FCHSD2: variants seen among roughly 807,000 people sequenced by gnomAD.
The protein encoded by FCHSD2 is F-BAR and double SH3 domains protein 2.
A neutral mutation model predicts 108.1 loss-of-function variants in FCHSD2; 38 were observed. The ratio of observed to expected loss-of-function variants is 0.35; its 90% CI spans 0.27 to 0.46. The LOEUF (loss-of-function observed/expected upper bound fraction) is 0.46, where lower values mean the gene tolerates loss of function less well. Ranked by LOEUF, FCHSD2 falls within the 20% of genes least tolerant of loss-of-function variation. FCHSD2 has a pLI of 1.00. For missense variants in FCHSD2, 751 were observed against 897.8 expected (o/e 0.84, Z 2.09); for synonymous variants, 279 against 314.7 (o/e 0.89, Z 1.20).
chr11:73,097,434 C>G (rs1376017954), intron 2 of FCHSD2, among the ~76,000 whole-genome samples: 1 of 144,594 alleles, frequency 6.9e-6, no homozygotes, highest in Non-Finnish European at 1.5e-5. Context: ...CTATAGTTTT[C>G]TTCTGGTATC....
intron 3 of FCHSD2, among the ~76,000 whole-genome samples, chr11:73,066,676 A>G (rs748286462): frequency 6.6e-6 from 1 of 152,238 alleles, no homozygotes; most frequent in Non-Finnish European, 1.5e-5. Flanking sequence ...TAGGCAAAGG[A>G]TATGAACAGA....
intron 12 of FCHSD2, among the ~76,000 whole-genome samples, chr11:72,880,000 A>C (rs1401053924): frequency 7.0e-5 from 1 of 14,302 alleles, no homozygotes; most frequent in African/African-American, 1.7e-4. Context: ...ATTCTGTCTC[A>C]AAAAAAAAAA....
chr11:72,943,552 T>C (rs368008664), intron 8 of FCHSD2, among the ~76,000 whole-genome samples: 27 of 152,174 alleles, frequency 1.8e-4, no homozygotes, highest in African/African-American at 5.3e-4. Context: ...GGGAAGGAAA[T>C]TGAAGAGAAT....
At chr11:72,910,379 G>A (rs1033435048) in intron 9 of FCHSD2, among the ~76,000 whole-genome samples, 13 of 152,290 alleles carry the variant, frequency 8.5e-5, no homozygotes, top group South Asian at 4.1e-4. Context: ...CGGTTTTGTC[G>A]AAAAGAAAAG....
At chr11:72,869,311 C>A (rs1358475239) in intron 12 of FCHSD2, among the ~76,000 whole-genome samples, 1 of 151,702 alleles carries the variant, frequency 6.6e-6, no homozygotes, top group Non-Finnish European at 1.5e-5. Context: ...CGATTAATTA[C>A]AACAATCTTG....
At chr11:72,949,092 A>G (rs2135353872) in intron 8 of FCHSD2, among the ~76,000 whole-genome samples, 1 of 152,326 alleles carries the variant, frequency 6.6e-6, no homozygotes. Flanking sequence ...AGTGGCTTTT[A>G]GTATATTCAC....
chr11:72,907,713 C>A (rs950551709), intron 9 of FCHSD2, among the ~76,000 whole-genome samples: 4 of 151,206 alleles, frequency 2.6e-5, no homozygotes, highest in African/African-American at 9.7e-5. Context: ...GCCTCAGCCT[C>A]TCGAGTAGCT....
chr11:72,992,386 T>G (rs923705507), intron 5 of FCHSD2, among the ~76,000 whole-genome samples: 2 of 152,172 alleles, frequency 1.3e-5, no homozygotes, highest in Non-Finnish European at 2.9e-5. Flanking sequence ...TACCAATGAC[T>G]TTCTTCACAG....
At chr11:72,879,100 G>C (rs538376760) in intron 12 of FCHSD2, among the ~76,000 whole-genome samples, 2 of 152,010 alleles carry the variant, frequency 1.3e-5, no homozygotes, top group South Asian at 2.1e-4. Context: ...GACAGAGTGA[G>C]ACTTTGTCTC....
intron 6 of FCHSD2, among the ~76,000 whole-genome samples, chr11:72,986,953 GTA>G (rs1857323302): frequency 6.6e-6 from 1 of 152,090 alleles, no homozygotes; most frequent in South Asian, 2.1e-4. Context: ...TATATACTAT[GTA>G]ACTACCATCT....
chr11:73,077,940 T>C (rs1464921843), intron 3 of FCHSD2, among the ~76,000 whole-genome samples: 1 of 152,174 alleles, frequency 6.6e-6, no homozygotes, highest in East Asian at 1.9e-4. Flanking sequence ...GTCAGTATAG[T>C]AGATTCCTTG....
At chr11:72,999,890 C>A (rs973279846) in intron 5 of FCHSD2, among the ~76,000 whole-genome samples, 9 of 148,362 alleles carry the variant, frequency 6.1e-5, no homozygotes, top group African/African-American at 2.3e-4. Context: ...CACACACAAA[C>A]ACACACACAC....
At chr11:73,058,168 T>A (rs1271588023) in intron 3 of FCHSD2, among the ~76,000 whole-genome samples, 1 of 152,098 alleles carries the variant, frequency 6.6e-6, no homozygotes, top group Non-Finnish European at 1.5e-5. Flanking sequence ...CGTGAGCCAC[T>A]GTGCCTGGCC....
At chr11:72,981,615 T>C (rs571465192) in intron 8 of FCHSD2, among the ~76,000 whole-genome samples, 106 of 152,338 alleles carry the variant, frequency 7.0e-4, no homozygotes, top group African/African-American at 2.5e-3. Flanking sequence ...AAAAATCATC[T>C]TTAGTAAATG....
chr11:72,952,662 A>G (rs766956560), intron 8 of FCHSD2, among the ~76,000 whole-genome samples: 3 of 152,162 alleles, frequency 2.0e-5, no homozygotes, highest in East Asian at 1.9e-4. Context: ...GTTAAGATAC[A>G]TAAGAGCTTA....
intron 3 of FCHSD2, among the ~76,000 whole-genome samples, chr11:73,018,625 ACT>A (rs1308613300): frequency 6.7e-6 from 1 of 149,836 alleles, no homozygotes; most frequent in African/African-American, 2.5e-5. Flanking sequence ...CACCTACATT[ACT>A]CTGTTTCTAA....
intron 8 of FCHSD2, among the ~76,000 whole-genome samples, chr11:72,930,711 C>T (rs1391382343): frequency 1.3e-5 from 2 of 152,136 alleles, no homozygotes; most frequent in African/African-American, 4.8e-5. Flanking sequence ...CCACTGCACT[C>T]CAGCCTGGGT....
At chr11:73,041,126 T>C (rs1858626551) in intron 3 of FCHSD2, among the ~76,000 whole-genome samples, 1 of 152,236 alleles carries the variant, frequency 6.6e-6, no homozygotes. Context: ...TATCCATTCA[T>C]CTGTTGATGG....
At chr11:73,107,734 T>C (rs1309118864) in intron 2 of FCHSD2, among the ~76,000 whole-genome samples, 1 of 152,236 alleles carries the variant, frequency 6.6e-6, no homozygotes, top group Non-Finnish European at 1.5e-5. Flanking sequence ...TACACTAACA[T>C]AATGATCTCC....
Sources: allele counts gnomAD v4.1 joint callset (sites outside exome capture counted in the v4.1 genomes callset), GRCh38; gene constraint gnomAD v4.1.1; transcripts MANE v1.5; gene names NCBI Gene and HGNC (gene_info 2026-07-23, HGNC 2026-07-21).